Variants in OLFM1 observed in about 807,000 individuals in gnomAD.
OLFM1 encodes noelin.
In OLFM1, 9 loss-of-function variants were observed where a neutral mutation model predicts 49.7. That is an observed-to-expected ratio of 0.18 (90% CI 0.11 to 0.32). OLFM1 has a LOEUF of 0.32. Among genes scored for constraint, OLFM1 ranks in the 10% least tolerant of loss-of-function variants. The probability of loss-of-function intolerance (pLI) is 1.00; values close to 1 mark genes in which losing one functional copy is unlikely to be tolerated. For missense variants in OLFM1, 369 were observed against 661.8 expected, an observed-to-expected ratio of 0.56 and a Z score of 4.85; for synonymous variants, 240 against 271.8, an observed-to-expected ratio of 0.88 and a Z score of 1.15.
chr9:135,096,760 G>A lies in OLFM1; in HGVS notation c.456+741G>A, dbSNP rs116166533. Among the ~76,000 whole-genome samples the A allele has an allele frequency of 7.6e-3, 1,159 of 152,340 alleles. 11 individuals carry two copies. The highest frequency in any genetic ancestry group is 0.027 in the African/African-American group (1,112 of 41,568). On this transcript the variant is annotated intron_variant, in intron 3 of 5. Transcript: ENST00000371793. ...TCTGGAGCAGGAATCTCTCAGGGCA[G>A]TTTTCACATCTGACCTAATCTAGCC...
chr9:135,087,235 A>C (rs1830609385), upstream of OLFM1: 10 of 1,407,884 alleles, frequency 7.1e-6, no homozygotes, highest in South Asian at 1.5e-4. Context: ...GTTTCAGGCG[A>C]CGGCCCAGGC....
chr9:135,090,593 T>C (rs1320897729), intron 2 of OLFM1, among the ~76,000 whole-genome samples: 1 of 152,034 alleles, frequency 6.6e-6, no homozygotes. Context: ...CACAGGTGGA[T>C]TGAGACTTCC....
chr9:135,108,729 G>A (rs1830981501), intron 5 of OLFM1, among the ~76,000 whole-genome samples: 1 of 152,172 alleles, frequency 6.6e-6, no homozygotes. Context: ...AATAGCGGGG[G>A]AAGGACGGGG....
chr9:135,087,792 C>A lies in OLFM1; in HGVS notation c.-198C>A. 1 of 675,656 alleles carries A rather than the reference C, an allele frequency of 1.5e-6. No individual in the cohort carries two copies. Among genetic ancestry groups the A allele is most frequent in the Non-Finnish European group, 1.8e-6 (1 of 549,564 alleles). 41.9% of individuals were successfully genotyped at this position (675,656 alleles called of 1,614,324 possible). A position where few individuals can be genotyped will look rare whatever the true frequency, so the allele number is the denominator to read the frequency against. ...CGGGCAGAGGCCACCTGGCCACCTT[C>A]CCTGGCGCCCGGGGAAGGCGCGGCG... On this transcript the variant is annotated 5_prime_UTR_variant, in exon 1 of 6. Coordinates refer to ENST00000371793, the MANE Select transcript of OLFM1 (RefSeq NM_001282611.2).
chr9:135,112,213 C>T (rs1037320901), intron 5 of OLFM1, among the ~76,000 whole-genome samples: 8 of 152,224 alleles, frequency 5.3e-5, no homozygotes, highest in African/African-American at 1.9e-4. Context: ...CGCTGATCGC[C>T]AAAAGGGCTC....
At chr9:135,097,671 C>T in intron 3 of OLFM1, 2 of 882,216 alleles carry the variant, frequency 2.3e-6, no homozygotes, top group Middle Eastern at 2.2e-4. Context: ...TCGAGCATTA[C>T]AGTGGGATTT....
At chr9:135,112,830 A>T (rs536983371) in intron 5 of OLFM1, among the ~76,000 whole-genome samples, 26 of 152,286 alleles carry the variant, frequency 1.7e-4, no homozygotes, top group African/African-American at 5.5e-4. Context: ...AGATTGGGAC[A>T]AGGTCCCTGA....
intron 5 of OLFM1, among the ~76,000 whole-genome samples, chr9:135,115,592 G>A (rs1216484441): frequency 6.6e-6 from 1 of 152,246 alleles, no homozygotes; most frequent in African/African-American, 2.4e-5. Flanking sequence ...TGTGGGGATG[G>A]GTAGCAGCAC....
Position 135,088,109 on chromosome 9 carries a change from C to A in OLFM1, c.120C>A (p.Ala40=). 1 of 1,409,640 alleles carries A rather than the reference C, an allele frequency of 7.1e-7. No homozygotes were observed. The highest frequency in any genetic ancestry group is 9.4e-7 in the Non-Finnish European group (1 of 1,065,526). The allele number at this position is 1,409,640 out of a possible 1,614,324, so 87.3% of individuals were successfully genotyped here. Residue 40 remains alanine, a synonymous_variant, in exon 1 of 6, where the codon GCC becomes GCA. Transcript: ENST00000371793. This position sits in a 1 kb window ranked among gnomAD's most constrained non-coding sequence, Gnocchi z 4.8. Reference sequence around the variant, plus strand: ...TCAACACCACCAAGCTCTCGGCGGCCGGCGGCGGGACGCTGGACCGCAGCA... The same window carrying A: ...TCAACACCACCAAGCTCTCGGCGGCAGGCGGCGGGACGCTGGACCGCAGCA... ...VGLNTTKLSA[A]GGGTLDRSTG...
At chr9:135,076,835 G>A (rs1361197273) in intron 1 of OLFM1, 2 of 1,549,346 alleles carry the variant, frequency 1.3e-6, no homozygotes, top group East Asian at 4.9e-5. Context: ...ACAAAGCAGA[G>A]AAGATGGGAG....
intron 1 of OLFM1, chr9:135,076,673 C>T (rs1830470358): frequency 7.7e-7 from 1 of 1,302,822 alleles, no homozygotes; most frequent in Non-Finnish European, 1.0e-6. Context: ...AATGATGCCA[C>T]TGTGCCACGC....
chr9:135,077,032 G>A (rs1245345103), intron 1 of OLFM1: 1 of 1,548,128 alleles, frequency 6.5e-7, no homozygotes, highest in East Asian at 2.5e-5. Context: ...CAGACGATCA[G>A]CCAGTCCCTC....
Position 135,088,941 on chromosome 9 carries a change from C to A in OLFM1, c.150+802C>A, listed in dbSNP as rs960422267. Among the ~76,000 whole-genome samples the A allele has an allele frequency of 3.3e-5, 5 of 152,150 alleles. No homozygotes were observed. Among genetic ancestry groups the A allele is most frequent in the Admixed American group, 2.0e-4 (3 of 15,286 alleles). ...GGCAGAGCTGACTTAGATGGCTGAG[C>A]GAGGCTGAGCTGAAACCGCCACCCG... On this transcript the variant is annotated intron_variant, in intron 1 of 5. Transcript: ENST00000371793. This position sits in a 1 kb window ranked among gnomAD's most constrained non-coding sequence, Gnocchi z 4.8.
intron 5 of OLFM1, among the ~76,000 whole-genome samples, chr9:135,116,126 A>G (rs975710929): frequency 2.0e-5 from 3 of 152,220 alleles, no homozygotes; most frequent in Non-Finnish European, 4.4e-5. Flanking sequence ...AAAGGGGAAG[A>G]AAAAGGCCTT....
intron 5 of OLFM1, among the ~76,000 whole-genome samples, chr9:135,108,333 G>T (rs1830974677): frequency 6.6e-6 from 1 of 152,108 alleles, no homozygotes; most frequent in Non-Finnish European, 1.5e-5. Flanking sequence ...GGTGATGCTG[G>T]CAGGCACTTA....
intron 4 of OLFM1, among the ~76,000 whole-genome samples, chr9:135,102,213 C>A (rs1052625172): frequency 6.6e-6 from 1 of 152,192 alleles, no homozygotes; most frequent in African/African-American, 2.4e-5. Flanking sequence ...TACACTCTGT[C>A]CTGGGGGAGA....
At chr9:135,078,159 A>T (rs1830491390) in intron 1 of OLFM1, among the ~76,000 whole-genome samples, 1 of 152,130 alleles carries the variant, frequency 6.6e-6, no homozygotes, top group Non-Finnish European at 1.5e-5. Flanking sequence ...TGCTGCTCAT[A>T]TTTGTGAGTG....
At chr9:135,091,835 A>T (rs945964976) in intron 2 of OLFM1, among the ~76,000 whole-genome samples, 1 of 138,312 alleles carries the variant, frequency 7.2e-6, no homozygotes, top group African/African-American at 3.0e-5. Context: ...ACTCACAGTC[A>T]CACACACACT....
intron 1 of OLFM1, among the ~76,000 whole-genome samples, chr9:135,081,953 G>A (rs909959004): frequency 1.3e-5 from 2 of 152,182 alleles, no homozygotes; most frequent in African/African-American, 2.4e-5. Flanking sequence ...AATCCGCTGC[G>A]TTCGAACTGA....
Sources: allele counts gnomAD v4.1 joint callset (sites outside exome capture counted in the v4.1 genomes callset), GRCh38; gene constraint gnomAD v4.1.1; non-coding constraint Gnocchi (gnomAD v3.1); transcripts MANE v1.5; gene names NCBI Gene and HGNC (gene_info 2026-07-23, HGNC 2026-07-21).